Variants in RNLS observed in about 807,000 individuals in gnomAD.
RNLS encodes the protein renalase, FAD dependent amine oxidase, also known as renalase.
A neutral mutation model predicts 39.8 loss-of-function variants in RNLS; 39 were observed. That is an observed-to-expected ratio of 0.98 (90% CI 0.76 to 1.28). RNLS has a LOEUF of 1.28. RNLS is among the 50% of genes most tolerant of loss of function. The probability of loss-of-function intolerance (pLI) is 0.00; values close to 1 mark genes in which losing one functional copy is unlikely to be tolerated. For missense variants in RNLS, 410 were observed against 413.3 expected, an observed-to-expected ratio of 0.99 and a Z score of 0.07; for synonymous variants, 147 against 150.7, an observed-to-expected ratio of 0.98 and a Z score of 0.18.
intron 4 of RNLS, among the ~76,000 whole-genome samples, chr10:88,386,065 T>A (rs1223620439): frequency 6.6e-6 from 1 of 152,186 alleles, no homozygotes; most frequent in East Asian, 1.9e-4. Flanking sequence ...GTGGTTAAAC[T>A]GTAGCCTAGG....
chr10:88,177,522 A>G, the RNLS span, among the ~76,000 whole-genome samples: 208 of 152,222 alleles, frequency 1.4e-3, 1 homozygote, highest in Non-Finnish European at 2.6e-3. Flanking sequence ...TTGTTTTCCT[A>G]TATCTCACTG....
At chr10:88,432,823 C>A (rs1045625233) in intron 4 of RNLS, among the ~76,000 whole-genome samples, 8 of 151,958 alleles carry the variant, frequency 5.3e-5, no homozygotes, top group African/African-American at 1.9e-4. Context: ...AATTAACAAT[C>A]TCTTAAATGG....
chr10:88,182,583 T>A, the RNLS span, among the ~76,000 whole-genome samples: 1 of 152,122 alleles, frequency 6.6e-6, no homozygotes. Context: ...ATTCAAAGTC[T>A]CCAGGAAATT....
chr10:88,547,063 G>A (rs532421233), intron 4 of RNLS, among the ~76,000 whole-genome samples: 1 of 152,316 alleles, frequency 6.6e-6, no homozygotes, highest in South Asian at 2.1e-4. Flanking sequence ...GGGAATGAAA[G>A]GTTGAACAGG....
intron 3 of RNLS, among the ~76,000 whole-genome samples, chr10:88,581,241 T>C (rs906150166): frequency 8.6e-5 from 13 of 150,366 alleles, no homozygotes; most frequent in Admixed American, 5.3e-4. Context: ...TATTCCCTTT[T>C]ATATTTTTAA....
intron 4 of RNLS, among the ~76,000 whole-genome samples, chr10:88,454,341 G>C (rs186412050): frequency 6.6e-6 from 1 of 152,188 alleles, no homozygotes; most frequent in Non-Finnish European, 1.5e-5. Context: ...AAATATACAG[G>C]ATCAATTTTG....
At chr10:88,323,607 G>C (rs1001139789) in intron 5 of RNLS, among the ~76,000 whole-genome samples, 4 of 152,086 alleles carry the variant, frequency 2.6e-5, no homozygotes. Context: ...ATTAAGTCAA[G>C]ATAGATTAAA....
intron 4 of RNLS, among the ~76,000 whole-genome samples, chr10:88,375,106 G>A (rs1850874243): frequency 6.6e-6 from 1 of 151,976 alleles, no homozygotes; most frequent in Admixed American, 6.6e-5. Flanking sequence ...GTTGTCACAA[G>A]ATCTCTTCTT....
At chr10:88,199,629 GACAC>G in the RNLS span, among the ~76,000 whole-genome samples, 3 of 152,166 alleles carry the variant, frequency 2.0e-5, no homozygotes, top group Admixed American at 1.3e-4. Flanking sequence ...GCAGGACGAA[GACAC>G]ACTCACTGCA....
intron 5 of RNLS, among the ~76,000 whole-genome samples, chr10:88,347,106 G>A (rs1848360627): frequency 6.6e-6 from 1 of 152,152 alleles, no homozygotes; most frequent in South Asian, 2.1e-4. Context: ...TGTTTCCCAG[G>A]ACCTGAGGCT....
At chr10:88,417,481 A>G (rs1386066181) in intron 4 of RNLS, among the ~76,000 whole-genome samples, 1 of 152,224 alleles carries the variant, frequency 6.6e-6, no homozygotes, top group East Asian at 1.9e-4. Flanking sequence ...TTTACATAAA[A>G]CAGCTGTAAA....
chr10:88,417,447 A>G (rs1165280151), intron 4 of RNLS, among the ~76,000 whole-genome samples: 1 of 152,240 alleles, frequency 6.6e-6, no homozygotes, highest in Non-Finnish European at 1.5e-5. Flanking sequence ...GTCCACATTT[A>G]TGGAGAATTT....
the RNLS span, among the ~76,000 whole-genome samples, chr10:88,256,471 G>C: frequency 2.0e-5 from 3 of 152,326 alleles, no homozygotes; most frequent in East Asian, 5.8e-4. Flanking sequence ...TTCCAGTTAA[G>C]GTCGGCGGGA....
chr10:88,371,907 A>G (rs1850589473), intron 4 of RNLS, among the ~76,000 whole-genome samples: 1 of 152,164 alleles, frequency 6.6e-6, no homozygotes, highest in African/African-American at 2.4e-5. Context: ...AGGACAATAA[A>G]GTTCATATCT....
At chr10:88,574,757 C>T (rs967406645) in intron 3 of RNLS, among the ~76,000 whole-genome samples, 2 of 152,178 alleles carry the variant, frequency 1.3e-5, no homozygotes, top group Non-Finnish European at 2.9e-5. Flanking sequence ...GTAAACAGTA[C>T]TCCATCTTGC....
intron 5 of RNLS, among the ~76,000 whole-genome samples, chr10:88,351,567 C>G (rs1177986310): frequency 6.6e-6 from 1 of 152,186 alleles, no homozygotes; most frequent in Non-Finnish European, 1.5e-5. Flanking sequence ...TCTGAGGGCT[C>G]TGTTCTGTTC....
At chr10:88,229,767 A>G in the RNLS span, among the ~76,000 whole-genome samples, 1 of 152,210 alleles carries the variant, frequency 6.6e-6, no homozygotes, top group Non-Finnish European at 1.5e-5. Context: ...CTCATATAAT[A>G]TGTGGCCTTT....
chr10:88,452,534 G>A (rs547348023), intron 4 of RNLS, among the ~76,000 whole-genome samples: 1 of 152,242 alleles, frequency 6.6e-6, no homozygotes, highest in African/African-American at 2.4e-5. Context: ...ATAAAACATG[G>A]GAAGGTGTAA....
At chr10:88,476,789 AG>A (rs1475351747) in intron 4 of RNLS, among the ~76,000 whole-genome samples, 2 of 152,194 alleles carry the variant, frequency 1.3e-5, no homozygotes, top group African/African-American at 4.8e-5. Context: ...CCTTCATGAA[AG>A]GGTTGAGAGG....
Sources: gnomAD v4.1 joint callset for allele counts (sites outside exome capture counted in the v4.1 genomes callset) on GRCh38, gnomAD v4.1.1 for gene constraint, MANE v1.5 for transcripts, NCBI Gene and HGNC (gene_info 2026-07-23, HGNC 2026-07-21) for gene names.